Variants in USP34 observed in about 807,000 individuals in gnomAD.
USP34 encodes ubiquitin specific peptidase 34, also known as ubiquitin carboxyl-terminal hydrolase 34.
Under a neutral mutation model 460.3 loss-of-function variants are expected in USP34, and 70 were observed. The observed-to-expected ratio is 0.15, with a 90% CI of 0.13 to 0.19. The LOEUF (loss-of-function observed/expected upper bound fraction) is 0.19, where lower values mean the gene tolerates loss of function less well. Among genes scored for constraint, USP34 ranks in the 10% least tolerant of loss-of-function variants. The pLI is 1.00. For synonymous variants in USP34, 1,647 were observed against 1,405.3 expected (o/e 1.17, Z -3.85); for missense variants, 3,985 against 4,236.2 (o/e 0.94, Z 1.65).
chr2:61,418,164 C>G (rs570908865), intron 2 of USP34, among the ~76,000 whole-genome samples: 1 of 151,860 alleles, frequency 6.6e-6, no homozygotes. Flanking sequence ...ACTGCAACCT[C>G]CGCCTCCCAG....
rs778508748 is a variant in USP34 at position 61,214,035 on chromosome 2, A to G, written c.8682+25T>C. 11 of 1,613,132 alleles carry G rather than the reference A, an allele frequency of 6.8e-6. No individual in the cohort carries two copies. In the South Asian group the frequency reaches 8.8e-5, roughly 13 times the overall value. On this transcript the variant is annotated intron_variant, in intron 68 of 79. Coordinates refer to ENST00000398571, the MANE Select transcript of USP34 (RefSeq NM_014709.4). The stretch of plus-strand genomic sequence containing the variant: ...ATTTCCAATCTATTTGAGGATACAG[A>G]TAAAAGAGTATCAATTTTACTCACT...
At position 61,383,193 on chromosome 2, in the gene USP34, C is replaced by T. The variant is rs180835187; in HGVS notation, c.821+76G>A. 2.8e-4 allele frequency: 303 copies of T among 1,097,668 alleles called. 1 individual carries two copies. The African/African-American group carries it at 4.4e-3, about 16-fold the overall frequency. The allele number at this position is 1,097,668 out of a possible 1,614,324, so 68.0% of individuals were successfully genotyped here. On this transcript the variant is annotated intron_variant, in intron 6 of 79. Transcript: ENST00000398571. The stretch of plus-strand genomic sequence containing the variant: ...GATATGACTATAGGGGACTTTCAAA[C>T]AATATAATTCTATATTATAAATTGT...
chr2:61,370,631 C>A (rs968446166), intron 8 of USP34, 52 bp from the exon 9 acceptor site: 1 of 1,547,188 alleles, frequency 6.5e-7, no homozygotes, highest in African/African-American at 1.4e-5. Context: ...CATCTTTTCT[C>A]ATGTCTAAAA....
At position 61,188,272 on chromosome 2, in the gene USP34, A is replaced by G. The variant is rs372028992; in HGVS notation, c.10471T>C (p.Leu3491=). 35 of 1,613,864 alleles carry G rather than the reference A, an allele frequency of 2.2e-5. No individual in the cohort carries two copies. The highest frequency in any genetic ancestry group is 3.3e-5 in the South Asian group (3 of 91,082). ...ADLRSCDGQA[L]PSQDPEVALS... ...GCAACCTCAGGGTCCTGGGAGGGCA[A>G]AGCTTGGCCATCACAGCTTCTCAAG... Residue 3491 remains leucine (L), a synonymous_variant, in exon 80 of 80, where the codon TTG becomes CTG. Coordinates refer to ENST00000398571, the MANE Select transcript of USP34 (RefSeq NM_014709.4).
chr2:61,441,564 A>G (rs1694963369), intron 1 of USP34, among the ~76,000 whole-genome samples: 1 of 151,986 alleles, frequency 6.6e-6, no homozygotes, highest in Non-Finnish European at 1.5e-5. Context: ...GTGTCCCTGT[A>G]ACTTCTGCTC....
intron 59 of USP34, 72 bp downstream of exon 59, chr2:61,229,460 AAAAAAAAAAAAAAAAC>A (rs1195345694): frequency 7.5e-5 from 46 of 612,290 alleles, no homozygotes; most frequent in South Asian, 1.8e-4. Flanking sequence ...TATCTCTTAA[AAAAAAAAAAAAAAAAC>A]AAAAAAAAAA....
chr2:61,245,563 G>T (rs948063294), intron 50 of USP34, among the ~76,000 whole-genome samples: 4 of 151,632 alleles, frequency 2.6e-5, no homozygotes, highest in African/African-American at 9.7e-5. Context: ...AATATAACAT[G>T]TAACGCTATT....
intron 1 of USP34, among the ~76,000 whole-genome samples, chr2:61,467,279 G>T (rs568909112): frequency 2.0e-5 from 3 of 151,970 alleles, no homozygotes; most frequent in African/African-American, 7.2e-5. Context: ...CTCCAGCCTG[G>T]GTGACACAGC....
chr2:61,439,821 C>A (rs1305874966), intron 1 of USP34, among the ~76,000 whole-genome samples: 1 of 152,180 alleles, frequency 6.6e-6, no homozygotes, highest in Non-Finnish European at 1.5e-5. Context: ...GTGGGTCACA[C>A]ACAGCTGGGT....
intron 57 of USP34, among the ~76,000 whole-genome samples, chr2:61,235,474 T>TCC (rs1444429839): frequency 6.6e-6 from 1 of 151,922 alleles, no homozygotes. Context: ...TACAGGCATG[T>TCC]GCCACCACAC....
chr2:61,323,862 G>T (rs1353775275), intron 21 of USP34, among the ~76,000 whole-genome samples: 5 of 152,126 alleles, frequency 3.3e-5, no homozygotes, highest in Non-Finnish European at 5.9e-5. Context: ...AATAAATGAC[G>T]TAATAACACG....
Position 61,301,459 on chromosome 2 carries a change from A to G in USP34, c.3818-5T>C, listed in dbSNP as rs1251104732. On this transcript the variant is annotated splice_polypyrimidine_tract_variant and splice_region_variant and intron_variant, in intron 27 of 79. Transcript: ENST00000398571. Reference sequence around the variant, plus strand: ...TGACAGGTCCCATGAGGCCTCCTTAAAAACAGCAAAACATGGAAATGAATT... The same window carrying G: ...TGACAGGTCCCATGAGGCCTCCTTAGAAACAGCAAAACATGGAAATGAATT... 6.2e-7 allele frequency: 1 copy of G among 1,605,130 alleles called. No homozygotes were observed. Among genetic ancestry groups the G allele is most frequent in the Non-Finnish European group, 8.5e-7 (1 of 1,176,218 alleles).
intron 68 of USP34, among the ~76,000 whole-genome samples, chr2:61,212,904 G>A (rs1347444926): frequency 6.6e-6 from 1 of 152,108 alleles, no homozygotes; most frequent in Non-Finnish European, 1.5e-5. Context: ...CAAATTTACT[G>A]AAACTTAATA....
chr2:61,321,547 C>T (rs1023150878), intron 21 of USP34, among the ~76,000 whole-genome samples: 11 of 152,200 alleles, frequency 7.2e-5, no homozygotes, highest in Admixed American at 5.9e-4. Flanking sequence ...AAATCACATT[C>T]ATACAACATT....
rs1446155691 is a variant in USP34 at position 61,295,209 on chromosome 2, C to T, written c.4336G>A (p.Ala1446Thr). The change falls in exon 31 of 80, where the codon GCA becomes ACA. Residue 1446 changes from alanine (A) to threonine (T), a missense_variant. By Grantham distance (58) the Ala-to-Thr change is moderately conservative. This residue lies in a region of USP34 where 1,114 missense variants were observed against 1,122.5 expected (regional missense o/e 0.99). Transcript: ENST00000398571. The part of the protein sequence containing the change: ...KLLYALEIIE[A>T]LGKPNRRIRR... ...ATTCTTCTATTAGGTTTTCCCAGTG[C>T]TTCAATAATTTCCAGAGCATACAAT... is the stretch of plus-strand genomic sequence containing the variant. 9.3e-6 allele frequency: 15 copies of T among 1,612,202 alleles called. No individual in the cohort carries two copies. The highest frequency in any genetic ancestry group is 1.3e-5 in the Non-Finnish European group (15 of 1,179,394).
At chr2:61,272,463 A>G (rs1031914211) in intron 41 of USP34, among the ~76,000 whole-genome samples, 5 of 151,934 alleles carry the variant, frequency 3.3e-5, no homozygotes, top group African/African-American at 1.2e-4. Flanking sequence ...CCTCTCTCAA[A>G]TCCAACATAT....
At chr2:61,319,853 A>C (rs895496592) in intron 21 of USP34, among the ~76,000 whole-genome samples, 8 of 152,040 alleles carry the variant, frequency 5.3e-5, no homozygotes, top group Non-Finnish European at 1.2e-4. Context: ...CAAAAAAACC[A>C]AAAAAAATTC....
chr2:61,439,752 C>A (rs774167309), intron 1 of USP34, among the ~76,000 whole-genome samples: 6 of 152,188 alleles, frequency 3.9e-5, no homozygotes, highest in Non-Finnish European at 1.5e-5. Context: ...CGCAGGGAGG[C>A]AGGAGGCTGT....
intron 29 of USP34, among the ~76,000 whole-genome samples, chr2:61,298,891 T>C (rs930343217): frequency 6.6e-6 from 1 of 152,132 alleles, no homozygotes; most frequent in Admixed American, 6.5e-5. Flanking sequence ...ACATGGCATT[T>C]GCTTTCTTAT....
Sources: gnomAD v4.1 joint callset for allele counts (sites outside exome capture counted in the v4.1 genomes callset) on GRCh38, gnomAD v4.1.1 for gene constraint, gnomAD v4.1.1 regional missense constraint, MANE v1.5 for transcripts, NCBI Gene and HGNC (gene_info 2026-07-23, HGNC 2026-07-21) for gene names.